Variants in ZUP1 observed in about 807,000 individuals in gnomAD.
The protein encoded by ZUP1 is zinc finger-containing ubiquitin peptidase 1.
ZUP1 carries 55 observed loss-of-function variants against 68.1 expected under a neutral mutation model. That is an observed-to-expected ratio of 0.81 (90% CI 0.65 to 1.01). ZUP1 has a LOEUF of 1.01. Ranked by LOEUF, ZUP1 falls within the 50% of genes least tolerant of loss-of-function variation. The pLI is 0.00. For missense variants in ZUP1, 684 were observed against 674.9 expected (o/e 1.01, Z -0.15); for synonymous variants, 223 against 221.5 (o/e 1.01, Z -0.06).
chr6:116,655,252 A>C (rs1392321180), intron 5 of ZUP1, among the ~76,000 whole-genome samples: 1 of 152,224 alleles, frequency 6.6e-6, no homozygotes, highest in Non-Finnish European at 1.5e-5. Flanking sequence ...ACAAGGAAAT[A>C]CTACACAGCA....
At chr6:116,647,868 A>G (rs888308488) in intron 7 of ZUP1, among the ~76,000 whole-genome samples, 1 of 152,216 alleles carries the variant, frequency 6.6e-6, no homozygotes, top group African/African-American at 2.4e-5. Flanking sequence ...ATAACTTCAT[A>G]ATAAGTCTGC....
intron 5 of ZUP1, among the ~76,000 whole-genome samples, chr6:116,656,156 C>A (rs56103760): frequency 6.6e-6 from 1 of 151,676 alleles, no homozygotes; most frequent in African/African-American, 2.4e-5. Flanking sequence ...CTCGGCTCAC[C>A]GCAACCTCCG....
chr6:116,653,637 A>C (rs1277249404), intron 5 of ZUP1, among the ~76,000 whole-genome samples: 1 of 152,026 alleles, frequency 6.6e-6, no homozygotes, highest in African/African-American at 2.4e-5. Context: ...ACTGAGTACT[A>C]AATGTTGTAG....
chr6:116,638,731 T>C (rs1377544565), intron 9 of ZUP1, among the ~76,000 whole-genome samples: 2 of 152,152 alleles, frequency 1.3e-5, no homozygotes, highest in African/African-American at 4.8e-5. Flanking sequence ...TAGGAACAGC[T>C]CCGGTCTACA....
rs368269474 is a variant in ZUP1 at position 116,652,180 on chromosome 6, G to T, written c.974C>A (p.Ala325Glu). The change falls in exon 6 of 10, where the codon GCA (alanine) becomes GAA (glutamate). Residue 325 changes from alanine (A) to glutamate (E), a missense_variant. Ala to Glu is a moderately radical substitution (Grantham distance 107, BLOSUM62 -1). Coordinates refer to ENST00000368576, the MANE Select transcript of ZUP1 (RefSeq NM_145062.3). ...GKTKTSGIIE[A>E]LHRYYQNAAT... is the part of the protein sequence containing the mutation. The stretch of plus-strand genomic sequence containing the variant: ...AGCATTCTGATAATACCTATGAAGT[G>T]CTTCAATAATTCCTAAAGTAGAAAA... 1.4e-5 allele frequency: 22 copies of T among 1,610,276 alleles called. No homozygotes were observed. The African/African-American group carries it at 2.4e-4, about 18-fold the overall frequency.
intron 2 of ZUP1, among the ~76,000 whole-genome samples, 200 bp from the exon 3 acceptor site, chr6:116,661,046 T>TG (rs1195647572): frequency 6.9e-6 from 1 of 144,814 alleles, no homozygotes; most frequent in East Asian, 2.0e-4. Context: ...GCCCAGCTAA[T>TG]TTTTTTTTTT....
At chr6:116,663,009 G>C (rs116391861) in intron 2 of ZUP1, among the ~76,000 whole-genome samples, 2 of 152,038 alleles carry the variant, frequency 1.3e-5, no homozygotes, top group African/African-American at 4.8e-5. Context: ...AATATCCATA[G>C]AAATAGTTCT....
At chr6:116,639,062 C>A (rs1021974345) in intron 9 of ZUP1, among the ~76,000 whole-genome samples, 1 of 152,242 alleles carries the variant, frequency 6.6e-6, no homozygotes, top group Non-Finnish European at 1.5e-5. Context: ...GAGGGTCCTA[C>A]GCCCACGGAG....
At chr6:116,650,147 G>A (rs1776436238) in intron 7 of ZUP1, among the ~76,000 whole-genome samples, 1 of 152,164 alleles carries the variant, frequency 6.6e-6, no homozygotes, top group Non-Finnish European at 1.5e-5. Flanking sequence ...AGCAGGCCGG[G>A]CGCCGTGGCT....
intron 9 of ZUP1, among the ~76,000 whole-genome samples, chr6:116,643,088 T>C (rs1431412790): frequency 6.6e-6 from 1 of 151,742 alleles, no homozygotes; most frequent in Non-Finnish European, 1.5e-5. Context: ...CCATTCACAA[T>C]TGCTTCAAAG....
intron 5 of ZUP1, among the ~76,000 whole-genome samples, chr6:116,656,311 C>T (rs12528014): frequency 0.1 from 15,161 of 151,810 alleles, 1,168 homozygotes; most frequent in African/African-American, 0.2. Context: ...CTCGAACTCC[C>T]GACCTCAGGT....
chr6:116,664,536 G>C (rs1411968959), intron 2 of ZUP1, among the ~76,000 whole-genome samples: 1 of 151,568 alleles, frequency 6.6e-6, no homozygotes, highest in African/African-American at 2.4e-5. Context: ...AATGACAACA[G>C]AGTTTTTATG....
chr6:116,637,895 T>C (rs1177866707), intron 9 of ZUP1, among the ~76,000 whole-genome samples: 1 of 151,908 alleles, frequency 6.6e-6, no homozygotes, highest in Non-Finnish European at 1.5e-5. Flanking sequence ...AAACCCCATC[T>C]CTACTAAATA....
chr6:116,662,658 C>T (rs1448669191), intron 2 of ZUP1, among the ~76,000 whole-genome samples: 1 of 152,206 alleles, frequency 6.6e-6, no homozygotes, highest in Non-Finnish European at 1.5e-5. Flanking sequence ...AAATCTTTCT[C>T]TGGATATTCA....
chr6:116,654,048 C>T (rs1215656168), intron 5 of ZUP1, among the ~76,000 whole-genome samples: 1 of 151,878 alleles, frequency 6.6e-6, no homozygotes, highest in Non-Finnish European at 1.5e-5. Context: ...TTAACACTTG[C>T]ATAATTAACG....
chr6:116,666,219 C>T (rs1020704933), intron 2 of ZUP1, among the ~76,000 whole-genome samples: 1 of 152,020 alleles, frequency 6.6e-6, no homozygotes, highest in Non-Finnish European at 1.5e-5. Flanking sequence ...CAAGATAGCT[C>T]GTGTCTTGAG....
At chr6:116,641,090 G>A (rs1401238813) in intron 9 of ZUP1, among the ~76,000 whole-genome samples, 1 of 140,358 alleles carries the variant, frequency 7.1e-6, no homozygotes, top group Non-Finnish European at 1.5e-5. Flanking sequence ...AAGAGACAAA[G>A]GAGGCCATTA....
chr6:116,647,179 T>C (rs186954374), intron 8 of ZUP1, among the ~76,000 whole-genome samples: 46 of 152,276 alleles, frequency 3.0e-4, no homozygotes, highest in Admixed American at 9.8e-4. Context: ...GCCAACATGG[T>C]GAAACCCCGT....
At chr6:116,639,070 G>C (rs979300520) in intron 9 of ZUP1, among the ~76,000 whole-genome samples, 1 of 152,236 alleles carries the variant, frequency 6.6e-6, no homozygotes, top group African/African-American at 2.4e-5. Context: ...TACGCCCACG[G>C]AGTCTCCCTG....
Sources: gnomAD v4.1 joint callset for allele counts (sites outside exome capture counted in the v4.1 genomes callset) on GRCh38, gnomAD v4.1.1 for gene constraint, MANE v1.5 for transcripts, NCBI Gene and HGNC (gene_info 2026-07-23, HGNC 2026-07-21) for gene names.